Variants in LRP1B observed in about 807,000 individuals in gnomAD.
LRP1B encodes LDL receptor related protein 1B.
A neutral mutation model predicts 556.6 loss-of-function variants in LRP1B; 217 were observed. The observed-to-expected ratio is 0.39, with a 90% CI of 0.35 to 0.44. The LOEUF (loss-of-function observed/expected upper bound fraction) is 0.44, where lower values mean the gene tolerates loss of function less well. Among genes scored for constraint, LRP1B ranks in the 20% least tolerant of loss-of-function variants. The pLI, the probability that LRP1B is intolerant of heterozygous loss-of-function variation, is 1.00. For missense variants in LRP1B, 5,053 were observed against 5,620.8 expected, an observed-to-expected ratio of 0.90 and a Z score of 3.23; for synonymous variants, 2,047 against 1,865.8, an observed-to-expected ratio of 1.10 and a Z score of -2.50.
At chr2:141,487,194 A>G (rs1683154007) in intron 2 of LRP1B, among the ~76,000 whole-genome samples, 1 of 151,960 alleles carries the variant, frequency 6.6e-6, no homozygotes, top group African/African-American at 2.4e-5. Context: ...AACTTTTCTG[A>G]CTTCTCCAAA....
rs1285703085 is a variant in LRP1B, at chr2:141,504,572, G to T, written c.206-24039C>A. 3.3e-5 allele frequency among the ~76,000 whole-genome samples: 5 copies of T among 152,148 alleles called. No individual in the cohort carries two copies. In the South Asian group the frequency reaches 1.0e-3, roughly 32 times the overall value. On this transcript the variant is annotated intron_variant, in intron 2 of 90. Transcript: ENST00000389484. ...TCAGTAAATAAGCTAACTGTAACTT[G>T]TCTGCAGAAACAACACATTACCAGA...
At chr2:141,579,274 C>T (rs1686869629) in intron 2 of LRP1B, among the ~76,000 whole-genome samples, 1 of 152,136 alleles carries the variant, frequency 6.6e-6, no homozygotes, top group Admixed American at 6.5e-5. Context: ...TCGAAGCTGG[C>T]AGTTTCATTC....
intron 3 of LRP1B, among the ~76,000 whole-genome samples, chr2:141,347,530 G>C (rs1191132819): frequency 6.6e-6 from 1 of 151,840 alleles, no homozygotes; most frequent in Non-Finnish European, 1.5e-5. Flanking sequence ...TAAAAATATT[G>C]AGCTTTACAA....
intron 6 of LRP1B, among the ~76,000 whole-genome samples, chr2:141,226,961 AT>A (rs1683273427): frequency 6.6e-6 from 1 of 152,196 alleles, no homozygotes; most frequent in African/African-American, 2.4e-5. Flanking sequence ...ATTTACTCAG[AT>A]TAAAATATTT....
At position 142,046,600 on chromosome 2, in the gene LRP1B, G is replaced by A. The variant is rs533635757; in HGVS notation, c.82+84048C>T. Among the ~76,000 whole-genome samples, 13 of 152,032 alleles carry A rather than the reference G, an allele frequency of 8.6e-5. No individual in the cohort carries two copies. In the South Asian group the frequency reaches 2.1e-3, roughly 24 times the overall value. On this transcript the variant is annotated intron_variant, in intron 1 of 90. Coordinates refer to ENST00000389484, the MANE Select transcript of LRP1B (RefSeq NM_018557.3). Reference sequence around the variant, plus strand: ...TTTTCTGAGTAAACAAAAATAGAACGTGTGTAAAAGTACCCTAGAAATGCC... The same window carrying A: ...TTTTCTGAGTAAACAAAAATAGAACATGTGTAAAAGTACCCTAGAAATGCC...
Position 140,821,691 on chromosome 2 carries a change from T to G in LRP1B, c.5210-7885A>C, listed in dbSNP as rs141119185. ...AAATGCCTGGTAGATTTCAAGAAGA[T>G]GTACTGCAAGTTTAAGTAAACAAAT... On this transcript the variant is annotated intron_variant, in intron 31 of 90. Coordinates refer to ENST00000389484, the MANE Select transcript of LRP1B (RefSeq NM_018557.3). 1.2e-3 allele frequency among the ~76,000 whole-genome samples: 177 copies of G among 152,310 alleles called. 3 individuals carry two copies. The East Asian group carries it at 0.031, about 26-fold the overall frequency.
intron 3 of LRP1B, among the ~76,000 whole-genome samples, chr2:141,291,097 C>T (rs1379515371): frequency 6.6e-6 from 1 of 151,982 alleles, no homozygotes; most frequent in Non-Finnish European, 1.5e-5. Flanking sequence ...AAAGGAGAAA[C>T]ATTATTGATA....
chr2:141,793,088 T>C (rs1174261332), intron 2 of LRP1B, among the ~76,000 whole-genome samples: 9 of 151,968 alleles, frequency 5.9e-5, no homozygotes, highest in Non-Finnish European at 8.8e-5. Flanking sequence ...TTTTATTTCA[T>C]GGTTGTACAT....
At chr2:141,016,085 G>A (rs1419341778) in intron 12 of LRP1B, among the ~76,000 whole-genome samples, 170 bp from the exon 13 acceptor site, 1 of 152,056 alleles carries the variant, frequency 6.6e-6, no homozygotes, top group East Asian at 1.9e-4. Context: ...TTTAAAGAAA[G>A]CAAAGATTTG....
chr2:141,588,179 C>G (rs1246972403), intron 2 of LRP1B, among the ~76,000 whole-genome samples: 1 of 151,968 alleles, frequency 6.6e-6, no homozygotes, highest in Non-Finnish European at 1.5e-5. Context: ...GCAATGTGTC[C>G]ACAATATCTC....
intron 3 of LRP1B, among the ~76,000 whole-genome samples, chr2:141,443,050 T>C (rs1341126784): frequency 1.3e-5 from 2 of 152,186 alleles, no homozygotes; most frequent in Non-Finnish European, 2.9e-5. Context: ...CCACCAACCG[T>C]GTAAAAGTGT....
chr2:140,616,601 C>T (rs949099355), intron 41 of LRP1B, among the ~76,000 whole-genome samples: 58 of 150,860 alleles, frequency 3.8e-4, no homozygotes, highest in African/African-American at 1.2e-3. Context: ...TTTATTATTA[C>T]AAGCCTTAAA....
chr2:141,192,480 A>G (rs1051425012), intron 6 of LRP1B, among the ~76,000 whole-genome samples: 2 of 152,034 alleles, frequency 1.3e-5, no homozygotes, highest in Admixed American at 6.6e-5. Context: ...AATAACCATA[A>G]TCATTTTATG....
At chr2:140,286,286 C>T (rs1337033624) in intron 84 of LRP1B, among the ~76,000 whole-genome samples, 10 of 151,776 alleles carry the variant, frequency 6.6e-5, no homozygotes, top group African/African-American at 2.2e-4. Context: ...AAGGCTGGTT[C>T]GTCCTATTCT....
At chr2:141,461,152 C>A (rs1008438727) in intron 3 of LRP1B, among the ~76,000 whole-genome samples, 1 of 151,922 alleles carries the variant, frequency 6.6e-6, no homozygotes, top group Admixed American at 6.6e-5. Context: ...ACAGAGCCTG[C>A]ATAAGGGGAA....
chr2:141,409,728 G>T (rs1690780490), intron 3 of LRP1B, among the ~76,000 whole-genome samples: 1 of 151,960 alleles, frequency 6.6e-6, no homozygotes. Context: ...ATTTTAGATA[G>T]TAATAAGGCC....
chr2:141,234,364 T>C (rs1405239539), intron 5 of LRP1B, among the ~76,000 whole-genome samples: 2 of 152,082 alleles, frequency 1.3e-5, no homozygotes, highest in Admixed American at 1.3e-4. Context: ...GGCAATTATT[T>C]ATTTTTTATT....
At chr2:142,008,702 C>T (rs1034076128) in intron 1 of LRP1B, among the ~76,000 whole-genome samples, 8 of 150,890 alleles carry the variant, frequency 5.3e-5, no homozygotes, top group Non-Finnish European at 1.0e-4. Flanking sequence ...TTTTTTTTTC[C>T]GAGTCCTCTC....
chr2:141,075,538 A>T (rs1342370029), intron 7 of LRP1B, among the ~76,000 whole-genome samples: 1 of 152,190 alleles, frequency 6.6e-6, no homozygotes, highest in African/African-American at 2.4e-5. Flanking sequence ...ACCAGTACTG[A>T]AAAGCTCATG....
Sources: gnomAD v4.1 joint callset for allele counts (sites outside exome capture counted in the v4.1 genomes callset) on GRCh38, gnomAD v4.1.1 for gene constraint, MANE v1.5 for transcripts, NCBI Gene and HGNC (gene_info 2026-07-23, HGNC 2026-07-21) for gene names.